Variants in SMYD3 observed in about 807,000 individuals in gnomAD.
The protein encoded by SMYD3 is histone-lysine N-methyltransferase SMYD3.
A neutral mutation model predicts 57.7 loss-of-function variants in SMYD3; 36 were observed. That is an observed-to-expected ratio of 0.62 (90% CI 0.48 to 0.82). SMYD3 has a LOEUF of 0.82. Ranked by LOEUF, SMYD3 falls within the 40% of genes least tolerant of loss-of-function variation. The probability of loss-of-function intolerance (pLI) is 0.00; values close to 1 mark genes in which losing one functional copy is unlikely to be tolerated. For synonymous variants in SMYD3, 211 were observed against 195.0 expected (o/e 1.08, Z -0.68); for missense variants, 515 against 538.8 (o/e 0.96, Z 0.44).
At chr1:246,456,529 C>T (rs1176979915) in intron 1 of SMYD3, among the ~76,000 whole-genome samples, 1 of 152,204 alleles carries the variant, frequency 6.6e-6, no homozygotes, top group East Asian at 1.9e-4. Flanking sequence ...CAAGCTAAAG[C>T]ATTTTCTCCT....
intron 1 of SMYD3, among the ~76,000 whole-genome samples, chr1:246,413,676 T>C (rs1211762216): frequency 6.6e-6 from 1 of 152,062 alleles, no homozygotes; most frequent in Non-Finnish European, 1.5e-5. Flanking sequence ...TCCTGCTTCC[T>C]CCATGTGACG....
chr1:246,125,226 A>G (rs1196391237), intron 5 of SMYD3, among the ~76,000 whole-genome samples: 1 of 152,242 alleles, frequency 6.6e-6, no homozygotes, highest in East Asian at 1.9e-4. Flanking sequence ...TACTTCATAT[A>G]TTGAAGTTGA....
intron 5 of SMYD3, among the ~76,000 whole-genome samples, chr1:246,103,450 A>C (rs2147944567): frequency 6.6e-6 from 1 of 152,028 alleles, no homozygotes; most frequent in Non-Finnish European, 1.5e-5. Context: ...AAAGAAAAAA[A>C]AAAAAGCTCG....
In SMYD3 at chr1:246,324,989, G is replaced by GA. The variant is rs539405471; in HGVS notation, c.531+2211_531+2212insT. On this transcript the variant is annotated intron_variant, in intron 5 of 11. Transcript: ENST00000490107. ...AACAAGGAAGGAGAAGGAGTCAGGG[G>GA]GCGGGAAGGAGGGAGAAGGAGTCGG... Among the ~76,000 whole-genome samples, 42 of 128,292 alleles carry GA rather than the reference G, an allele frequency of 3.3e-4. 1 individual carries two copies. The highest frequency in any genetic ancestry group is 5.6e-4 in the Non-Finnish European group (34 of 60,992). The allele number at this position is 128,292 out of a possible 152,430, so 84.2% of individuals were successfully genotyped here.
intron 1 of SMYD3, among the ~76,000 whole-genome samples, chr1:246,391,420 AAGAGAGAG>A (rs55713238): frequency 0.17 from 21,511 of 129,424 alleles, 1,974 homozygotes; most frequent in Middle Eastern, 0.24. Context: ...GAGAGAGAAA[AAGAGAGAG>A]AGAGAGAGAG....
At chr1:246,185,425 CA>C (rs2062618265) in intron 5 of SMYD3, among the ~76,000 whole-genome samples, 1 of 127,848 alleles carries the variant, frequency 7.8e-6, no homozygotes, top group Non-Finnish European at 1.6e-5. Context: ...TTAGTAGAGA[CA>C]GGGTTTTGCC....
At chr1:245,847,822 T>C (rs753183898) in intron 10 of SMYD3, among the ~76,000 whole-genome samples, 33 of 152,138 alleles carry the variant, frequency 2.2e-4, no homozygotes, top group Admixed American at 1.8e-3. Flanking sequence ...TAAAAAAAAA[T>C]TGAACTACAA....
chr1:246,260,276 G>A (rs1484343721), intron 5 of SMYD3, among the ~76,000 whole-genome samples: 1 of 152,060 alleles, frequency 6.6e-6, no homozygotes, highest in African/African-American at 2.4e-5. Context: ...CAAATGCCTG[G>A]AGATCTGCCT....
intron 5 of SMYD3, among the ~76,000 whole-genome samples, chr1:246,065,756 C>T (rs1363335448): frequency 6.6e-6 from 1 of 152,188 alleles, no homozygotes; most frequent in Admixed American, 6.5e-5. Context: ...CTTCCTTCTA[C>T]CCCTACTTGA....
intron 1 of SMYD3, among the ~76,000 whole-genome samples, chr1:246,492,849 C>G (rs551737167): frequency 6.6e-6 from 1 of 152,172 alleles, no homozygotes; most frequent in Non-Finnish European, 1.5e-5. Flanking sequence ...TGCAAGGAGC[C>G]GGTTTGAACT....
At chr1:245,861,873 TTCTAA>T (rs2051567182) in intron 9 of SMYD3, among the ~76,000 whole-genome samples, 1 of 36,368 alleles carries the variant, frequency 2.7e-5, no homozygotes, top group Non-Finnish European at 1.9e-4. Context: ...GGGCTGTGTC[TTCTAA>T]CTTCTGTCTG....
intron 5 of SMYD3, among the ~76,000 whole-genome samples, chr1:246,279,671 C>G (rs2064405747): frequency 6.6e-6 from 1 of 152,092 alleles, no homozygotes. Context: ...AATATGCAGA[C>G]TATTGAACAG....
chr1:245,942,303 A>T (rs2147900577), intron 5 of SMYD3, among the ~76,000 whole-genome samples: 1 of 152,346 alleles, frequency 6.6e-6, no homozygotes, highest in Admixed American at 6.5e-5. Flanking sequence ...GCAAATGGAA[A>T]GCAGAAAAAA....
Position 245,831,786 on chromosome 1 carries a change from C to T in SMYD3, c.1076+26710G>A, listed in dbSNP as rs141739089. Among the ~76,000 whole-genome samples, 372 of 152,294 alleles carry T rather than the reference C, an allele frequency of 2.4e-3. 1 individual carries two copies. Among genetic ancestry groups the T allele is most frequent in the African/African-American group, 8.0e-3 (333 of 41,564 alleles). ...ACGGCCAAGTCAGGTTTTGTGGCCA[C>T]CCCTCAAACTGGCCCTGAAAATGGC... is the stretch of plus-strand genomic sequence containing the variant. On this transcript the variant is annotated intron_variant, in intron 10 of 11. Coordinates refer to ENST00000490107, the MANE Select transcript of SMYD3 (RefSeq NM_001167740.2).
At chr1:245,779,474 T>C (rs2046747196) in intron 10 of SMYD3, among the ~76,000 whole-genome samples, 1 of 152,118 alleles carries the variant, frequency 6.6e-6, no homozygotes, top group Non-Finnish European at 1.5e-5. Context: ...TAGTTCTCCA[T>C]CCTCCCTCTA....
intron 1 of SMYD3, among the ~76,000 whole-genome samples, chr1:246,387,301 ACTT>A (rs1457988257): frequency 2.0e-5 from 3 of 152,218 alleles, no homozygotes; most frequent in Admixed American, 6.5e-5. Flanking sequence ...CTAGCTTCAG[ACTT>A]CTTATCTATA....
At position 246,078,992 on chromosome 1, in the gene SMYD3, C is replaced by T. The variant is rs138689693; in HGVS notation, c.532-149055G>A. Among the ~76,000 whole-genome samples, 335 of 151,674 alleles carry T rather than the reference C, an allele frequency of 2.2e-3. 3 individuals are homozygous for T. The East Asian group carries it at 0.024, about 11-fold the overall frequency. On this transcript the variant is annotated intron_variant, in intron 5 of 11. Transcript: ENST00000490107. ...GATAGACAGTAAACAAATAAGATGT[C>T]TACAAAACCTTCTCTCATCATTCTT...
At chr1:246,306,197 G>A (rs2148623019) in intron 5 of SMYD3, among the ~76,000 whole-genome samples, 1 of 152,252 alleles carries the variant, frequency 6.6e-6, no homozygotes, top group South Asian at 2.1e-4. Context: ...AAATTAGCAG[G>A]GCGTGGTGGC....
At chr1:246,142,372 A>C (rs1445700327) in intron 5 of SMYD3, among the ~76,000 whole-genome samples, 1 of 151,896 alleles carries the variant, frequency 6.6e-6, no homozygotes, top group East Asian at 1.9e-4. Context: ...TTTCCTTATT[A>C]AGTCGGGAAC....
Sources: gnomAD v4.1 joint callset for allele counts (sites outside exome capture counted in the v4.1 genomes callset) on GRCh38, gnomAD v4.1.1 for gene constraint, MANE v1.5 for transcripts, NCBI Gene and HGNC (gene_info 2026-07-23, HGNC 2026-07-21) for gene names.